The following FAM149A variants were observed in gnomAD, a reference collection of about 807,000 sequenced individuals.
FAM149A encodes the protein family with sequence similarity 149 member A.
FAM149A carries 71 observed loss-of-function variants against 78.2 expected under a neutral mutation model. The ratio of observed to expected loss-of-function variants is 0.91; its 90% CI spans 0.75 to 1.11. The LOEUF (loss-of-function observed/expected upper bound fraction) is 1.11. Among genes scored for constraint, FAM149A ranks in the 50% least tolerant of loss-of-function variants. FAM149A has a pLI of 0.00. For synonymous variants in FAM149A, 446 were observed against 410.5 expected (o/e 1.09, Z -1.04); for missense variants, 1,036 against 971.0 (o/e 1.07, Z -0.89).
chr4:186,152,058 T>A lies in FAM149A; in HGVS notation c.932+13T>A. 6.2e-7 allele frequency: 1 copy of A among 1,613,012 alleles called. No individual in the cohort carries two copies. Among genetic ancestry groups the A allele is most frequent in the Non-Finnish European group, 8.5e-7 (1 of 1,179,870 alleles). ...CCCTCCATTTGAGGTGGGACCTTGG[T>A]GGTGGAAGTTCTCTGGGGTGGGTTT... On this transcript the variant is annotated intron_variant, in intron 4 of 13. Coordinates refer to ENST00000389354, the MANE Select transcript of FAM149A (RefSeq NM_001367768.3).
In FAM149A at chr4:186,105,512, C is replaced by T; in HGVS notation, c.436C>T (p.Gln146Ter). The T allele has an allele frequency of 2.2e-5, 26 of 1,166,430 alleles. No homozygotes were observed. Among genetic ancestry groups the T allele is most frequent in the Non-Finnish European group, 2.8e-5 (26 of 937,710 alleles). 72.3% of individuals were successfully genotyped at this position (1,166,430 alleles called of 1,614,324 possible). ...GGCCGCGCTCCCCAGGAACCCGCTCCAGCCTGGCCCCGGAGAGCGAGAGCT... is the reference window on the plus strand; with the variant it reads ...GGCCGCGCTCCCCAGGAACCCGCTCTAGCCTGGCCCCGGAGAGCGAGAGCT... The change falls in exon 1 of 14, where the codon CAG becomes TAG. Residue 146 changes from glutamine (Q) to a stop codon, truncating the protein, a stop_gained. Coordinates refer to ENST00000389354, the MANE Select transcript of FAM149A (RefSeq NM_001367768.3). LOFTEE classifies it high-confidence loss of function.
At chr4:186,136,331 T>G (rs1406967957) in intron 1 of FAM149A, among the ~76,000 whole-genome samples, 1 of 152,210 alleles carries the variant, frequency 6.6e-6, no homozygotes, top group East Asian at 1.9e-4. Flanking sequence ...AACAAATGTG[T>G]AAAAGTAAAA....
At chr4:186,170,367 G>T (rs964593271) in intron 13 of FAM149A, among the ~76,000 whole-genome samples, 1 of 152,174 alleles carries the variant, frequency 6.6e-6, no homozygotes, top group African/African-American at 2.4e-5. Flanking sequence ...AATAAAACAC[G>T]GAGCAGATAA....
chr4:186,173,951 C>T lies in FAM149A; in HGVS notation c.*1964C>T, dbSNP rs967097716. Among the ~76,000 whole-genome samples, 7 of 111,616 alleles carry T rather than the reference C, an allele frequency of 6.3e-5. 2 individuals are homozygous for T. Among genetic ancestry groups the T allele is most frequent in the Non-Finnish European group, 1.4e-4 (6 of 44,292 alleles). 73.2% of individuals were successfully genotyped at this position (111,616 alleles called of 152,430 possible). ...GTAGCCTGGAGCCCATGTTATAGGG[C>T]TGCTGGTTAGGTGCTCTCTGGTGCA... is the stretch of plus-strand genomic sequence containing the variant. On this transcript the variant is annotated 3_prime_UTR_variant, in exon 14 of 14. Transcript: ENST00000389354.
intron 1 of FAM149A, among the ~76,000 whole-genome samples, chr4:186,112,190 C>G (rs1269655577): frequency 2.7e-5 from 4 of 149,788 alleles, no homozygotes; most frequent in South Asian, 2.1e-4. Flanking sequence ...TGATTTGGCT[C>G]TCTGTTTGTC....
chr4:186,109,521 C>G, intron 1 of FAM149A: 1 of 985,346 alleles, frequency 1.0e-6, no homozygotes, highest in South Asian at 4.7e-5. Flanking sequence ...AAACCGATTG[C>G]TAGCTGAGTA....
Position 186,157,716 on chromosome 4 carries a change from C to T in FAM149A, c.1572C>T (p.Pro524=), listed in dbSNP as rs146323612. 58 of 1,606,154 alleles carry T rather than the reference C, an allele frequency of 3.6e-5. No homozygotes were observed. The highest frequency in any genetic ancestry group is 4.5e-5 in the Non-Finnish European group (53 of 1,175,754). The change falls in exon 8 of 14, where the codon CCC becomes CCT. Residue 524 remains proline (P), a synonymous_variant. Transcript: ENST00000389354. ...CCCTGGCTTCTCGTCTGAACCCGCC[C>T]CAGGTCGGTGCTTTCACACCCTTCT...
chr4:186,127,936 A>G (rs1216667294), intron 1 of FAM149A, among the ~76,000 whole-genome samples: 1 of 118,438 alleles, frequency 8.4e-6, no homozygotes, highest in Non-Finnish European at 1.7e-5. Context: ...GATCCTCCCC[A>G]CTCACCTTCC....
intron 1 of FAM149A, among the ~76,000 whole-genome samples, chr4:186,138,953 A>G (rs529772125): frequency 1.2e-3 from 178 of 152,302 alleles, no homozygotes; most frequent in Admixed American, 3.6e-3. Flanking sequence ...CTGGAAGGGG[A>G]GACACACACC....
intron 11 of FAM149A, among the ~76,000 whole-genome samples, chr4:186,165,887 C>T (rs891038304): frequency 6.6e-6 from 1 of 152,170 alleles, no homozygotes; most frequent in African/African-American, 2.4e-5. Flanking sequence ...TGATTCTTAC[C>T]TCTAAAGAAT....
At chr4:186,159,272 C>T (rs1193522600) in intron 8 of FAM149A, among the ~76,000 whole-genome samples, 1 of 151,750 alleles carries the variant, frequency 6.6e-6, no homozygotes, top group Admixed American at 6.6e-5. Context: ...ACAAAAAAAA[C>T]CTTGTAGAAG....
chr4:186,105,154 C>G lies in FAM149A; in HGVS notation c.78C>G (p.Pro26=). 7.8e-7 allele frequency: 1 copy of G among 1,279,760 alleles called. No individual in the cohort carries two copies. Among genetic ancestry groups the G allele is most frequent in the Non-Finnish European group, 1.0e-6 (1 of 984,716 alleles). 79.3% of individuals were successfully genotyped at this position (1,279,760 alleles called of 1,614,324 possible). A position where few individuals can be genotyped will look rare whatever the true frequency, so the allele number is the denominator to read the frequency against. The change falls in exon 1 of 14, where the codon CCC becomes CCG. Residue 26 remains proline, a synonymous_variant. Coordinates refer to ENST00000389354, the MANE Select transcript of FAM149A (RefSeq NM_001367768.3). ...CCTCGACGGCGCCCCCCGCAGGCCC[C>G]TCCTCCAGACCCTCGGGAGGTGCTG...
At chr4:186,121,262 G>A (rs1579794495) in intron 1 of FAM149A, among the ~76,000 whole-genome samples, 1 of 152,112 alleles carries the variant, frequency 6.6e-6, no homozygotes, top group Admixed American at 6.5e-5. Context: ...GTTCCTGCAC[G>A]TCAGCATTTT....
At position 186,152,008 on chromosome 4, in the gene FAM149A, G is replaced by A. The variant is rs1034317509; in HGVS notation, c.895G>A (p.Glu299Lys). 9.9e-6 allele frequency: 16 copies of A among 1,614,000 alleles called. No homozygotes were observed. Among genetic ancestry groups the A allele is most frequent in the East Asian group, 2.2e-5 (1 of 44,896 alleles). The change falls in exon 4 of 14, where the codon GAA becomes AAA. Residue 299 changes from glutamate to lysine, a missense_variant. This residue lies in a region of FAM149A where 716 missense variants were observed against 711.8 expected (regional missense o/e 1.01). Transcript: ENST00000389354. ...CCCTCAGACCCAGAGTCTGCTGGCC[G>A]AATGCGGGGAGTGGACAAGAAGATC...
Position 186,157,667 on chromosome 4 carries a change from G to A in FAM149A, c.1523G>A (p.Gly508Glu). The change falls in exon 8 of 14, where the codon GGA becomes GAA. Residue 508 changes from glycine (G) to glutamate (E), a missense_variant. Coordinates refer to ENST00000389354, the MANE Select transcript of FAM149A (RefSeq NM_001367768.3). ...GATGGAGCCAGTGGCCCCCCGTCCGGACACGCCGAGGCTCACGGCATCTCC... is the reference window on the plus strand; with the variant it reads ...GATGGAGCCAGTGGCCCCCCGTCCGAACACGCCGAGGCTCACGGCATCTCC... 3.7e-6 allele frequency: 6 copies of A among 1,614,036 alleles called. No homozygotes were observed. Among genetic ancestry groups the A allele is most frequent in the Non-Finnish European group, 5.1e-6 (6 of 1,179,954 alleles).
rs1052859605 is a variant in FAM149A, at chr4:186,116,255, C to T, written c.566+10613C>T. Reference sequence around the variant, plus strand: ...CAATGCCTCGCCCTGCTTCGGCTCGCGCACGGTGCGCGCACCCACTGACCT... The same window carrying T: ...CAATGCCTCGCCCTGCTTCGGCTCGTGCACGGTGCGCGCACCCACTGACCT... On this transcript the variant is annotated intron_variant, in intron 1 of 13. Transcript: ENST00000389354. 197 of 152,882 alleles carry T rather than the reference C, an allele frequency of 1.3e-3. 2 individuals are homozygous for T. The highest frequency in any genetic ancestry group is 1.0e-2 in the East Asian group (48 of 4,814). 9.5% of individuals were successfully genotyped at this position (152,882 alleles called of 1,614,324 possible).
intron 8 of FAM149A, chr4:186,158,166 C>A: frequency 7.8e-7 from 1 of 1,282,164 alleles, no homozygotes. Context: ...CTGAAGCTCA[C>A]TGCTGCCACC....
intron 3 of FAM149A, among the ~76,000 whole-genome samples, chr4:186,150,570 C>A (rs868527933): frequency 2.4e-4 from 15 of 63,532 alleles, no homozygotes; most frequent in Admixed American, 8.3e-4. Context: ...CAGGCGCCCA[C>A]CACCACGCCC....
chr4:186,150,930 C>A (rs1298236159), intron 3 of FAM149A: 15 of 433,190 alleles, frequency 3.5e-5, no homozygotes, highest in Admixed American at 6.4e-5. Flanking sequence ...CCATGTTGGC[C>A]AGGCTGGTTT....
Sources: gnomAD v4.1 joint callset for allele counts (sites outside exome capture counted in the v4.1 genomes callset) on GRCh38, gnomAD v4.1.1 for gene constraint, gnomAD v4.1.1 regional missense constraint, MANE v1.5 for transcripts, NCBI Gene and HGNC (gene_info 2026-07-23, HGNC 2026-07-21) for gene names.